EXT2: variants seen among roughly 807,000 people sequenced by gnomAD.
EXT2 encodes exostosin-2.
In EXT2, 53 loss-of-function variants were observed where a neutral mutation model predicts 81.6. The observed-to-expected ratio is 0.65, with a 90% CI of 0.52 to 0.82. The LOEUF is 0.82. EXT2 is among the 40% of genes least tolerant of loss of function. EXT2 has a pLI of 0.00. For synonymous variants in EXT2, 320 were observed against 340.0 expected (o/e 0.94, Z 0.65); for missense variants, 774 against 910.2 (o/e 0.85, Z 1.93).
intron 4 of EXT2, among the ~76,000 whole-genome samples, chr11:44,124,409 C>G (rs1343675448): frequency 2.7e-5 from 4 of 150,624 alleles, no homozygotes; most frequent in Admixed American, 1.3e-4. Context: ...TAAGACAACA[C>G]TTCGATGTTC....
chr11:44,228,087 T>C (rs1384325331), intron 10 of EXT2, among the ~76,000 whole-genome samples: 1 of 152,242 alleles, frequency 6.6e-6, no homozygotes, highest in African/African-American at 2.4e-5. Context: ...ATGGAAGGAC[T>C]ATCCAAATTA....
At chr11:44,144,679 G>T (rs141589181) in intron 7 of EXT2, among the ~76,000 whole-genome samples, 76 of 152,314 alleles carry the variant, frequency 5.0e-4, no homozygotes, top group African/African-American at 1.8e-3. Flanking sequence ...TATTTCAGGA[G>T]CTGTCTGTCA....
At chr11:44,175,027 T>G (rs771349211) in intron 8 of EXT2, among the ~76,000 whole-genome samples, 12 of 152,196 alleles carry the variant, frequency 7.9e-5, no homozygotes, top group African/African-American at 1.4e-4. Context: ...GAGAAACAAG[T>G]GATCACTGAA....
chr11:44,171,460 G>A (rs1361041522), intron 7 of EXT2, 151 bp from the exon 8 acceptor site: 3 of 1,118,338 alleles, frequency 2.7e-6, no homozygotes, highest in Non-Finnish European at 2.7e-6. Context: ...CAGCTGGCTT[G>A]AACAGCAGGG....
chr11:44,179,308 G>C (rs1461363808), intron 8 of EXT2, among the ~76,000 whole-genome samples: 2 of 151,852 alleles, frequency 1.3e-5, no homozygotes, highest in African/African-American at 4.8e-5. Flanking sequence ...GGCAGCCCCA[G>C]TGGTGGTGCT....
chr11:44,171,041 T>C (rs780080152), intron 7 of EXT2, among the ~76,000 whole-genome samples: 6 of 152,206 alleles, frequency 3.9e-5, no homozygotes, highest in Non-Finnish European at 8.8e-5. Flanking sequence ...TTAGATATTA[T>C]AAGTGTTGAG....
intron 7 of EXT2, among the ~76,000 whole-genome samples, chr11:44,134,427 G>A (rs1954537333): frequency 6.6e-6 from 1 of 152,170 alleles, no homozygotes; most frequent in Non-Finnish European, 1.5e-5. Context: ...GGTCATTAAG[G>A]GTCTGAAATG....
chr11:44,181,037 G>A (rs1226945677), intron 8 of EXT2, among the ~76,000 whole-genome samples: 1 of 151,902 alleles, frequency 6.6e-6, no homozygotes, highest in Non-Finnish European at 1.5e-5. Flanking sequence ...GGAGGCGGAG[G>A]TTGCAGGGAG....
intron 4 of EXT2, among the ~76,000 whole-genome samples, chr11:44,118,264 A>G (rs1053812300): frequency 6.6e-6 from 1 of 152,148 alleles, no homozygotes; most frequent in African/African-American, 2.4e-5. Flanking sequence ...ATACTGTTGT[A>G]TGTTGGGTGA....
chr11:44,209,896 T>C (rs936767173), intron 10 of EXT2, among the ~76,000 whole-genome samples: 11 of 152,234 alleles, frequency 7.2e-5, no homozygotes, highest in African/African-American at 2.7e-4. Context: ...GGCTGTCTTA[T>C]TCATTGCTAT....
In EXT2 at chr11:44,250,915, A is replaced by T. The variant is rs965339591; in HGVS notation, c.*6628A>T. On this transcript the variant is annotated 3_prime_UTR_variant, in exon 14 of 14. Coordinates refer to ENST00000533608, the MANE Select transcript of EXT2 (RefSeq NM_207122.2). The stretch of plus-strand genomic sequence containing the variant: ...TCTCATTAAGGGGATAACAGCCACA[A>T]TTGAGGTAATTAACGAAAATTGTAC... Among the ~76,000 whole-genome samples, 1 of 152,210 alleles carries T rather than the reference A, an allele frequency of 6.6e-6. No individual in the cohort carries two copies. Among genetic ancestry groups the T allele is most frequent in the Non-Finnish European group, 1.5e-5 (1 of 68,040 alleles).
rs562927152 is a variant in EXT2, at chr11:44,151,390, T to C, written c.1174-20221T>C. ...TGTGCTCTGCCTATTAATTGCTCCC[T>C]TCTCCCAACTCTCGGAAACCATTGA... On this transcript the variant is annotated intron_variant, in intron 7 of 13. Coordinates refer to ENST00000533608, the MANE Select transcript of EXT2 (RefSeq NM_207122.2). Among the ~76,000 whole-genome samples the C allele has an allele frequency of 3.3e-5, 5 of 152,306 alleles. No individual in the cohort carries two copies. The East Asian group carries it at 9.6e-4, about 29-fold the overall frequency.
In EXT2 at chr11:44,242,468, TA is replaced by T. The variant is rs146210290; in HGVS notation, c.2019-1679del. Among the ~76,000 whole-genome samples the T allele has an allele frequency of 5.5e-3, 840 of 152,296 alleles. 14 individuals carry two copies. Among genetic ancestry groups the T allele is most frequent in the African/African-American group, 0.019 (795 of 41,566 alleles). The stretch of plus-strand genomic sequence containing the variant: ...GGAGGGACACTCAGTCACTGGCATG[TA>T]ATGGTAGAGTGTGATCCAAAGAGCA... On this transcript the variant is annotated intron_variant, in intron 13 of 13. Transcript: ENST00000533608.
chr11:44,230,763 C>A (rs1456461978), intron 10 of EXT2, among the ~76,000 whole-genome samples: 1 of 152,148 alleles, frequency 6.6e-6, no homozygotes, highest in Non-Finnish European at 1.5e-5. Flanking sequence ...AGATTTCTAA[C>A]CTCTAGAACT....
At position 44,249,986 on chromosome 11, in the gene EXT2, C is replaced by T. The variant is rs955139792; in HGVS notation, c.*5699C>T. Among the ~76,000 whole-genome samples, 1 of 152,172 alleles carries T rather than the reference C, an allele frequency of 6.6e-6. No individual in the cohort carries two copies. The highest frequency in any genetic ancestry group is 6.5e-5 in the Admixed American group (1 of 15,280). On this transcript the variant is annotated 3_prime_UTR_variant, in exon 14 of 14. Coordinates refer to ENST00000533608, the MANE Select transcript of EXT2 (RefSeq NM_207122.2). ...TCGGGAGGCTGAGGCAGGAGAATGG[C>T]GTGAACCTGAGAGGTGGAGCTTGCA... is the stretch of plus-strand genomic sequence containing the variant.
intron 1 of EXT2, among the ~76,000 whole-genome samples, chr11:44,105,433 A>C (rs1243598571): frequency 6.6e-6 from 1 of 152,196 alleles, no homozygotes; most frequent in Non-Finnish European, 1.5e-5. Flanking sequence ...CTGGGATTAC[A>C]GGTGTCTGCC....
At chr11:44,214,391 A>G (rs1259657884) in intron 10 of EXT2, among the ~76,000 whole-genome samples, 3 of 151,990 alleles carry the variant, frequency 2.0e-5, no homozygotes, top group Admixed American at 1.3e-4. Context: ...TGGGACTACA[A>G]GCGTGAGCCA....
intron 3 of EXT2, 147 bp from the exon 4 acceptor site, chr11:44,114,038 A>G (rs191642120): frequency 3.9e-6 from 3 of 759,550 alleles, no homozygotes; most frequent in South Asian, 2.8e-5. Context: ...AGATGCGTGT[A>G]TAAGGCATTG....
intron 4 of EXT2, among the ~76,000 whole-genome samples, chr11:44,119,203 T>C (rs1308979228): frequency 7.1e-6 from 1 of 141,078 alleles, no homozygotes. Context: ...CATTTTTGAC[T>C]GTCATGACTG....
Sources: allele counts gnomAD v4.1 joint callset (sites outside exome capture counted in the v4.1 genomes callset), GRCh38; gene constraint gnomAD v4.1.1; transcripts MANE v1.5; gene names NCBI Gene and HGNC (gene_info 2026-07-23, HGNC 2026-07-21).